DRD3: variants seen among roughly 807,000 people sequenced by gnomAD.
The protein encoded by DRD3 is dopamine receptor D3.
In DRD3, 19 loss-of-function variants were observed where a neutral mutation model predicts 36.3. The observed-to-expected ratio is 0.52, with a 90% CI of 0.36 to 0.77. DRD3 has a LOEUF of 0.77. Ranked by LOEUF, DRD3 falls within the 30% of genes least tolerant of loss-of-function variation. The probability of loss-of-function intolerance (pLI) is 0.00; values close to 1 mark genes in which losing one functional copy is unlikely to be tolerated. For missense variants in DRD3, 465 were observed against 505.3 expected, an observed-to-expected ratio of 0.92 and a Z score of 0.77; for synonymous variants, 195 against 203.7, an observed-to-expected ratio of 0.96 and a Z score of 0.36.
chr3:114,174,553 G>T (rs2077879449), intron 1 of DRD3, among the ~76,000 whole-genome samples: 1 of 152,170 alleles, frequency 6.6e-6, no homozygotes, highest in African/African-American at 2.4e-5. Context: ...AATCACAGTT[G>T]CATGGATTTC....
At chr3:114,152,605 G>A (rs902666016) in intron 3 of DRD3, among the ~76,000 whole-genome samples, 41 of 152,194 alleles carry the variant, frequency 2.7e-4, no homozygotes, top group Non-Finnish European at 8.8e-5. Context: ...ATTGGCCATC[G>A]GAGGGCACTA....
intron 3 of DRD3, among the ~76,000 whole-genome samples, chr3:114,154,175 C>T (rs1019819973): frequency 4.6e-5 from 7 of 152,158 alleles, no homozygotes; most frequent in Admixed American, 4.6e-4. Context: ...AACTGTGATG[C>T]CCCTTCTGAC....
chr3:114,170,603 TTC>T (rs755769316), intron 2 of DRD3, among the ~76,000 whole-genome samples: 26 of 152,102 alleles, frequency 1.7e-4, no homozygotes, highest in Non-Finnish European at 2.4e-4. Flanking sequence ...TTTTCTTTTT[TTC>T]TCTCTTTATG....
At chr3:114,154,689 G>A (rs1276641370) in intron 3 of DRD3, among the ~76,000 whole-genome samples, 2 of 152,128 alleles carry the variant, frequency 1.3e-5, no homozygotes, top group Admixed American at 6.5e-5. Flanking sequence ...GCAAAGACGC[G>A]GAGGCTTGCC....
In DRD3 at chr3:114,156,773, T is replaced by TCTTTCTTTCTTTCTTTC. The variant is rs2077677984; in HGVS notation, c.383+2981_383+2982insGAAAGAAAGAAAGAAAG. On this transcript the variant is annotated intron_variant, in intron 3 of 6. Coordinates refer to ENST00000383673, the MANE Select transcript of DRD3 (RefSeq NM_000796.6). ...TTTCTTTCTTTCTTTCTTTCTTTCT[T>TCTTTCTTTCTTTCTTTC]TCTTTCTTTCTTTCTTTCTTTCTTT... 2.4e-5 allele frequency among the ~76,000 whole-genome samples: 3 copies of TCTTTCTTTCTTTCTTTC among 126,946 alleles called. No homozygotes were observed. The South Asian group carries it at 7.5e-4, about 32-fold the overall frequency. 83.3% of individuals were successfully genotyped at this position (126,946 alleles called of 152,430 possible).
intron 1 of DRD3, among the ~76,000 whole-genome samples, chr3:114,177,628 T>C (rs1349155520): frequency 1.3e-5 from 2 of 152,192 alleles, no homozygotes; most frequent in East Asian, 3.8e-4. Flanking sequence ...GTATATTCCA[T>C]AACAAATAGC....
At chr3:114,134,341 T>A (rs142027119) in intron 5 of DRD3, among the ~76,000 whole-genome samples, 333 of 151,456 alleles carry the variant, frequency 2.2e-3, no homozygotes, top group Non-Finnish European at 3.8e-3. Context: ...CAAGTGATCC[T>A]CCTGTCTTGG....
intron 4 of DRD3, among the ~76,000 whole-genome samples, chr3:114,143,878 A>T (rs1461210119): frequency 6.6e-6 from 1 of 152,214 alleles, no homozygotes; most frequent in African/African-American, 2.4e-5. Flanking sequence ...CTCTTTGCTT[A>T]TTCATTCTAG....
Position 114,170,344 on chromosome 3 carries a change from A to G in DRD3, c.270+1379T>C, listed in dbSNP as rs567834552. The stretch of plus-strand genomic sequence containing the variant: ...TATATCAAATGTTATAGCAGTTAGC[A>G]TGTATTTTGTGCCAGGTAGTATGTT... On this transcript the variant is annotated intron_variant, in intron 2 of 6. Coordinates refer to ENST00000383673, the MANE Select transcript of DRD3 (RefSeq NM_000796.6). Among the ~76,000 whole-genome samples the G allele has an allele frequency of 6.3e-4, 96 of 152,286 alleles. 2 individuals carry two copies. The highest frequency in any genetic ancestry group is 2.3e-3 in the African/African-American group (94 of 41,562).
rs2077393399 is a variant in DRD3 at position 114,127,898 on chromosome 3, T to C, written c.*818A>G. 6.6e-6 allele frequency among the ~76,000 whole-genome samples: 1 copy of C among 152,222 alleles called. No homozygotes were observed. The highest frequency in any genetic ancestry group is 1.5e-5 in the Non-Finnish European group (1 of 68,044). ...TGCCCTGGGTAGGAAAATTTGGTAG[T>C]GTTATGAAAAGCATATCTAAGGTAT... On this transcript the variant is annotated 3_prime_UTR_variant, in exon 7 of 7. Coordinates refer to ENST00000383673, the MANE Select transcript of DRD3 (RefSeq NM_000796.6).
intron 3 of DRD3, 51 bp from the exon 4 acceptor site, chr3:114,147,608 C>G (rs775513716): frequency 6.3e-7 from 1 of 1,582,688 alleles, no homozygotes; most frequent in East Asian, 2.3e-5. Context: ...GAATGGGGTA[C>G]TTTTCTTTCT....
At chr3:114,142,963 C>T (rs2077539381) in intron 4 of DRD3, among the ~76,000 whole-genome samples, 1 of 152,206 alleles carries the variant, frequency 6.6e-6, no homozygotes, top group Non-Finnish European at 1.5e-5. Context: ...CTGCCCCAGC[C>T]CCCAGCAGGC....
chr3:114,173,407 C>T (rs940224573), intron 1 of DRD3, among the ~76,000 whole-genome samples: 4 of 152,188 alleles, frequency 2.6e-5, no homozygotes, highest in African/African-American at 9.7e-5. Flanking sequence ...AAGTTTACAA[C>T]CCTGTCTAGA....
intron 2 of DRD3, among the ~76,000 whole-genome samples, chr3:114,165,489 T>C (rs536887283): frequency 6.6e-6 from 1 of 152,224 alleles, no homozygotes; most frequent in African/African-American, 2.4e-5. Flanking sequence ...TTTCTACTGG[T>C]GACACTAAAG....
chr3:114,164,144 C>T (rs1192982998), intron 2 of DRD3, among the ~76,000 whole-genome samples: 2 of 139,456 alleles, frequency 1.4e-5, no homozygotes, highest in Non-Finnish European at 3.0e-5. Context: ...TTGCTTGAAC[C>T]CGGGAGGCGG....
At chr3:114,150,006 A>G (rs1179350760) in intron 3 of DRD3, among the ~76,000 whole-genome samples, 2 of 152,240 alleles carry the variant, frequency 1.3e-5, no homozygotes, top group African/African-American at 4.8e-5. Flanking sequence ...TGCAAGATAA[A>G]AATGGGTACA....
At chr3:114,180,480 G>A (rs1029074270), upstream of DRD3, among the ~76,000 whole-genome samples, 7 of 152,154 alleles carry the variant, frequency 4.6e-5, no homozygotes, top group Admixed American at 3.3e-4. Flanking sequence ...TGTGCACACA[G>A]AGGAAAGGAC....
chr3:114,172,975 G>A (rs1310225827), intron 1 of DRD3, among the ~76,000 whole-genome samples: 1 of 152,012 alleles, frequency 6.6e-6, no homozygotes, highest in Non-Finnish European at 1.5e-5. Context: ...CTCGGTGTTT[G>A]TGTCTCCCTA....
intron 2 of DRD3, among the ~76,000 whole-genome samples, chr3:114,171,247 C>T (rs898213862): frequency 3.3e-5 from 5 of 152,108 alleles, no homozygotes; most frequent in African/African-American, 9.7e-5. Flanking sequence ...CTGATCTGTT[C>T]GCTGGTCATT....
Sources: allele counts gnomAD v4.1 joint callset (sites outside exome capture counted in the v4.1 genomes callset), GRCh38; gene constraint gnomAD v4.1.1; transcripts MANE v1.5; gene names NCBI Gene and HGNC (gene_info 2026-07-23, HGNC 2026-07-21).